The following PRKCA variants were observed in gnomAD, a reference collection of about 807,000 sequenced individuals.
The protein encoded by PRKCA is protein kinase C alpha.
In PRKCA, 27 loss-of-function variants were observed where a neutral mutation model predicts 87.0. The observed-to-expected ratio is 0.31, with a 90% CI of 0.23 to 0.43. PRKCA has a LOEUF of 0.43. Among genes scored for constraint, PRKCA ranks in the 20% least tolerant of loss-of-function variants. PRKCA has a pLI of 1.00. For missense variants in PRKCA, 518 were observed against 852.3 expected (o/e 0.61, Z 4.88); for synonymous variants, 329 against 311.1 (o/e 1.06, Z -0.61).
At chr17:66,421,512 TTCTTC>T (rs10608909) in intron 2 of PRKCA, among the ~76,000 whole-genome samples, 141,336 of 145,116 alleles carry the variant, frequency 0.97, 68,958 homozygotes, top group South Asian at 1. Flanking sequence ...TCTTTCTTCT[TTCTTC>T]TCTTCTCTTC....
intron 5 of PRKCA, among the ~76,000 whole-genome samples, chr17:66,652,175 T>G (rs1971607065): frequency 6.6e-6 from 1 of 152,156 alleles, no homozygotes; most frequent in Non-Finnish European, 1.5e-5. Context: ...GCTAGGCTGA[T>G]CTCGAACTCC....
intron 3 of PRKCA, among the ~76,000 whole-genome samples, chr17:66,605,084 A>G (rs940336857): frequency 6.6e-6 from 1 of 152,162 alleles, no homozygotes; most frequent in Non-Finnish European, 1.5e-5. Flanking sequence ...TGGAATTTTC[A>G]TGTGTACATG....
chr17:66,679,099 G>A (rs1288376060), intron 5 of PRKCA, among the ~76,000 whole-genome samples: 2 of 151,694 alleles, frequency 1.3e-5, no homozygotes, highest in Non-Finnish European at 2.9e-5. Context: ...TCCAGCTGTA[G>A]TGACTGGAGC....
intron 2 of PRKCA, among the ~76,000 whole-genome samples, chr17:66,423,724 GC>G (rs1456370214): frequency 6.6e-6 from 1 of 152,140 alleles, no homozygotes; most frequent in Non-Finnish European, 1.5e-5. Context: ...ATCATACCAT[GC>G]AGTAAAAAAT....
chr17:66,631,497 C>G (rs1971009563), intron 3 of PRKCA, among the ~76,000 whole-genome samples: 1 of 152,156 alleles, frequency 6.6e-6, no homozygotes, highest in Non-Finnish European at 1.5e-5. Flanking sequence ...TGGCGCATTA[C>G]AGCCTCGAAC....
At chr17:66,640,847 C>G in intron 3 of PRKCA, 1 of 412,486 alleles carries the variant, frequency 2.4e-6, no homozygotes, top group Admixed American at 2.8e-5. Flanking sequence ...ATAGAGGAAA[C>G]ATAGGTATTC....
At position 66,466,529 on chromosome 17, in the gene PRKCA, C is replaced by T. The variant is rs1051019456; in HGVS notation, c.206-29672C>T. Among the ~76,000 whole-genome samples, 3 of 152,156 alleles carry T rather than the reference C, an allele frequency of 2.0e-5. No homozygotes were observed. The East Asian group carries it at 5.8e-4, about 29-fold the overall frequency. ...TTTCTCTTCCTCCACGTTTTCTTCT[C>T]CTTACCTCAAAATGGAAGAAACTTC... On this transcript the variant is annotated intron_variant, in intron 2 of 16. Coordinates refer to ENST00000413366, the MANE Select transcript of PRKCA (RefSeq NM_002737.3).
chr17:66,586,124 C>G (rs1198357974), intron 3 of PRKCA, among the ~76,000 whole-genome samples: 1 of 152,110 alleles, frequency 6.6e-6, no homozygotes, highest in African/African-American at 2.4e-5. Context: ...CTGTGGTTGT[C>G]ATTGTCGTTG....
intron 13 of PRKCA, among the ~76,000 whole-genome samples, chr17:66,768,664 C>T (rs1974864053): frequency 6.6e-6 from 1 of 152,100 alleles, no homozygotes; most frequent in African/African-American, 2.4e-5. Flanking sequence ...AGAGAGACAA[C>T]AAGGCGGGAA....
chr17:66,547,458 A>G (rs1240851068), intron 3 of PRKCA, among the ~76,000 whole-genome samples: 1 of 152,010 alleles, frequency 6.6e-6, no homozygotes, highest in Non-Finnish European at 1.5e-5. Flanking sequence ...CACCAGACTG[A>G]TAATCACTGT....
intron 16 of PRKCA, among the ~76,000 whole-genome samples, chr17:66,795,101 T>C (rs962549590): frequency 6.6e-6 from 1 of 152,226 alleles, no homozygotes; most frequent in African/African-American, 2.4e-5. Flanking sequence ...TAATGCTTCT[T>C]TACACCTAGA....
intron 5 of PRKCA, among the ~76,000 whole-genome samples, chr17:66,651,479 C>T (rs1262062166): frequency 6.6e-6 from 1 of 152,162 alleles, no homozygotes; most frequent in Non-Finnish European, 1.5e-5. Flanking sequence ...GGAGACGCAG[C>T]AGGTAGCCCA....
chr17:66,743,103 G>T (rs1478653389), intron 13 of PRKCA, among the ~76,000 whole-genome samples: 2 of 152,200 alleles, frequency 1.3e-5, no homozygotes, highest in Non-Finnish European at 2.9e-5. Context: ...GCCCGAGGTG[G>T]GTGGATCATA....
At chr17:66,461,229 G>T (rs79530090) in intron 2 of PRKCA, among the ~76,000 whole-genome samples, 4,125 of 138,510 alleles carry the variant, frequency 0.03, 54 homozygotes, top group Non-Finnish European at 0.045. Context: ...AAAAAGAAAA[G>T]AAAATCACAT....
At chr17:66,769,063 A>T (rs1295035299) in intron 13 of PRKCA, among the ~76,000 whole-genome samples, 3 of 152,278 alleles carry the variant, frequency 2.0e-5, no homozygotes, top group South Asian at 4.1e-4. Context: ...TCAGCTCTTG[A>T]TCTTTTAGAC....
rs934066132 is a variant in PRKCA, at chr17:66,807,016, A to G, written c.*2979A>G. 2 of 152,304 alleles carry G rather than the reference A, an allele frequency of 1.3e-5. No homozygotes were observed. Among genetic ancestry groups the G allele is most frequent in the Middle Eastern group, 3.2e-3 (1 of 316 alleles). The allele number at this position is 152,304 out of a possible 1,614,324, so 9.4% of individuals were successfully genotyped here. ...TTGGAAGACTGTCATGTAGATAACC[A>G]TGAGCAATGGCTCGCCTCAGAATCA... On this transcript the variant is annotated 3_prime_UTR_variant, in exon 17 of 17. Transcript: ENST00000413366. This position sits in a 1 kb window ranked among gnomAD's most constrained non-coding sequence, Gnocchi z 4.3.
rs975872365 is a variant in PRKCA at position 66,809,663 on chromosome 17, A to T, written c.*5626A>T. ...AGGGTATGGAGTCCACGTGGGAATG[A>T]CTGCAAGTTCAGGTGGAACTTGGCC... On this transcript the variant is annotated 3_prime_UTR_variant, in exon 17 of 17. Coordinates refer to ENST00000413366, the MANE Select transcript of PRKCA (RefSeq NM_002737.3). 1.3e-5 allele frequency: 2 copies of T among 152,118 alleles called. No individual in the cohort carries two copies. Among genetic ancestry groups the T allele is most frequent in the African/African-American group, 4.8e-5 (2 of 41,422 alleles). 9.4% of individuals were successfully genotyped at this position (152,118 alleles called of 1,614,324 possible).
chr17:66,435,480 C>T (rs946689526), intron 2 of PRKCA, among the ~76,000 whole-genome samples: 2 of 152,138 alleles, frequency 1.3e-5, no homozygotes, highest in East Asian at 1.9e-4. Flanking sequence ...GACGCACTCA[C>T]GGAATCACAG....
chr17:66,367,448 A>C (rs1312995247), intron 2 of PRKCA, among the ~76,000 whole-genome samples: 2 of 152,250 alleles, frequency 1.3e-5, no homozygotes, highest in African/African-American at 4.8e-5. Context: ...AGGAAAAGCC[A>C]CTGCTGTACC....
Sources: allele counts gnomAD v4.1 joint callset (sites outside exome capture counted in the v4.1 genomes callset), GRCh38; gene constraint gnomAD v4.1.1; non-coding constraint Gnocchi (gnomAD v3.1); transcripts MANE v1.5; gene names NCBI Gene and HGNC (gene_info 2026-07-23, HGNC 2026-07-21).